The following RTN4R variants were observed in gnomAD, a reference collection of about 807,000 sequenced individuals.
RTN4R encodes the protein reticulon 4 receptor.
Under a neutral mutation model 27.7 loss-of-function variants are expected in RTN4R, and 4 were observed. The observed-to-expected ratio is 0.14, with a 90% CI of 0.07 to 0.33. The LOEUF (loss-of-function observed/expected upper bound fraction) is 0.33, where lower values mean the gene tolerates loss of function less well. Ranked by LOEUF, RTN4R falls within the 10% of genes least tolerant of loss-of-function variation. RTN4R has a pLI of 1.00. For missense variants in RTN4R, 554 were observed against 671.5 expected (o/e 0.83, Z 1.93); for synonymous variants, 290 against 305.6 (o/e 0.95, Z 0.53).
chr22:20,242,963 G>A lies in RTN4R; in HGVS notation c.170C>T (p.Ala57Val), dbSNP rs1423729938. 6.2e-7 allele frequency: 1 copy of A among 1,611,908 alleles called. No individual in the cohort carries two copies. Among genetic ancestry groups the A allele is most frequent in the Non-Finnish European group, 8.5e-7 (1 of 1,179,694 alleles). Residue 57 changes from alanine (A) to valine (V), a missense_variant, in exon 2 of 2, where the codon GCT (alanine) becomes GTT (valine). By Grantham distance (64) the Ala-to-Val change is moderately conservative. Around this residue, in one of 2 missense-constraint regions of RTN4R, gnomAD observed 413 missense variants for 542.3 expected, o/e 0.76. Transcript: ENST00000043402. ...GTGCAGGAAGATGCGCTGGCTGGCA[G>A]CAGGGATGCCCACGGGCACAGCCTG... Reference protein sequence around the residue: ...GLQAVPVGIPAASQRIFLHGN... With the variant: ...GLQAVPVGIPVASQRIFLHGN...
intron 1 of RTN4R, among the ~76,000 whole-genome samples, chr22:20,244,700 ACTGCTGTCTCAC>A (rs2051129768): frequency 6.6e-6 from 1 of 152,092 alleles, no homozygotes; most frequent in African/African-American, 2.4e-5. Flanking sequence ...TCAGCTCCCC[ACTGCTGTCTCAC>A]CTGCTGTCAC....
In RTN4R at chr22:20,258,924, G is replaced by T. The variant is rs58754659; in HGVS notation, c.22+9147C>A. Among the ~76,000 whole-genome samples, 597 of 152,204 alleles carry T rather than the reference G, an allele frequency of 3.9e-3. 21 individuals are homozygous for T. In the East Asian group the frequency reaches 0.079, roughly 20 times the overall value. On this transcript the variant is annotated intron_variant, in intron 1 of 1. Coordinates refer to ENST00000043402, the MANE Select transcript of RTN4R (RefSeq NM_023004.6). ...GGTCCTGACATGTACCAAGGCTGGG[G>T]GTCAAGTGTGCACTGTCTCTCAGCC...
chr22:20,266,885 C>T (rs1297437434), intron 1 of RTN4R, among the ~76,000 whole-genome samples: 3 of 152,252 alleles, frequency 2.0e-5, no homozygotes, highest in Admixed American at 1.3e-4. Context: ...GTTACACACA[C>T]GCACACAAGC....
intron 1 of RTN4R, among the ~76,000 whole-genome samples, chr22:20,245,057 C>A (rs934703775): frequency 1.3e-5 from 2 of 152,214 alleles, no homozygotes; most frequent in African/African-American, 2.4e-5. Flanking sequence ...TGAACCGAGC[C>A]CTGTGCTCAT....
intron 1 of RTN4R, among the ~76,000 whole-genome samples, chr22:20,258,068 A>G (rs1429553713): frequency 6.6e-6 from 1 of 152,176 alleles, no homozygotes; most frequent in African/African-American, 2.4e-5. Flanking sequence ...GGACCTTCTC[A>G]CATCACCCCC....
Position 20,242,047 on chromosome 22 carries a change from G to T in RTN4R, c.1086C>A (p.Arg362=), listed in dbSNP as rs145150796. ...PASAGNALKG[R]VPPGDSPPGN... ...CCGGCGGGCTGTCACCGGGCGGCAC[G>T]CGTCCCTTCAGCGCATTGCCTGCCG... Residue 362 remains arginine, a synonymous_variant, in exon 2 of 2, where the codon CGC becomes CGA. Coordinates refer to ENST00000043402, the MANE Select transcript of RTN4R (RefSeq NM_023004.6). 45 of 1,612,242 alleles carry T rather than the reference G, an allele frequency of 2.8e-5. No individual in the cohort carries two copies. The African/African-American group carries it at 6.0e-4, about 22-fold the overall frequency.
At chr22:20,243,580 C>A in intron 1 of RTN4R, 1 of 431,476 alleles carries the variant, frequency 2.3e-6, no homozygotes, top group South Asian at 1.7e-5. Context: ...ATCTCAAAAA[C>A]GGGCGCCTGG....
intron 1 of RTN4R, among the ~76,000 whole-genome samples, chr22:20,251,983 C>T (rs1362417408): frequency 3.7e-5 from 3 of 80,026 alleles, no homozygotes; most frequent in East Asian, 6.9e-4. Context: ...TCACCATCAC[C>T]ATCACCATCA....
chr22:20,263,563 C>T (rs701420), intron 1 of RTN4R, among the ~76,000 whole-genome samples: 18,783 of 152,290 alleles, frequency 0.12, 1,558 homozygotes, highest in South Asian at 0.2. Context: ...AAGAGGCACC[C>T]GGGGGCCCAG....
In RTN4R at chr22:20,255,850, G is replaced by A. The variant is rs931755446; in HGVS notation, c.22+12221C>T. ...GCAGCCCCCAGCCTCCTTTCTGACCGTGCACACGGGCTTCTCTCAGCTGCT... is the reference window on the plus strand; with the variant it reads ...GCAGCCCCCAGCCTCCTTTCTGACCATGCACACGGGCTTCTCTCAGCTGCT... On this transcript the variant is annotated intron_variant, in intron 1 of 1. Transcript: ENST00000043402. This position sits in a 1 kb window ranked among gnomAD's most constrained non-coding sequence, Gnocchi z 4.8. Among the ~76,000 whole-genome samples the A allele has an allele frequency of 3.9e-5, 6 of 152,214 alleles. No individual in the cohort carries two copies. The highest frequency in any genetic ancestry group is 7.2e-5 in the African/African-American group (3 of 41,458).
chr22:20,264,188 C>T (rs191127587), intron 1 of RTN4R, among the ~76,000 whole-genome samples: 44 of 152,340 alleles, frequency 2.9e-4, no homozygotes, highest in Non-Finnish European at 2.2e-4. Flanking sequence ...TCCAGCTCCA[C>T]GGCTGCAGGC....
intron 1 of RTN4R, among the ~76,000 whole-genome samples, chr22:20,251,067 T>C (rs1454646302): frequency 1.3e-5 from 2 of 152,114 alleles, no homozygotes; most frequent in African/African-American, 2.4e-5. Flanking sequence ...TCCATGCCAG[T>C]CCACCCACCT....
intron 1 of RTN4R, 199 bp from the exon 2 acceptor site, chr22:20,243,309 C>T (rs2051120834): frequency 1.3e-5 from 9 of 692,486 alleles, no homozygotes; most frequent in Non-Finnish European, 2.1e-5. Flanking sequence ...TGGGCTAGAA[C>T]ATGCCTTGGA....
At chr22:20,249,345 C>T (rs1030747606) in intron 1 of RTN4R, 1 of 430,116 alleles carries the variant, frequency 2.3e-6, no homozygotes, top group Non-Finnish European at 4.8e-6. Context: ...CTACCTGGTG[C>T]CTAGCCCTGC....
intron 1 of RTN4R, among the ~76,000 whole-genome samples, chr22:20,258,388 C>G (rs146168412): frequency 1.3e-5 from 2 of 152,358 alleles, no homozygotes; most frequent in Admixed American, 1.3e-4. Context: ...CACTGCCTTG[C>G]CCAAGGTGTC....
rs2051292372 is a variant in RTN4R at position 20,268,286 on chromosome 22, GCGCA to G, written c.-198_-195del. ...GCCGCGGGTGCGCAGGGCGCGCAGG[GCGCA>G]CAGGGCGAGGGCGGCGGCGGCGCGG... On this transcript the variant is annotated 5_prime_UTR_variant, in exon 1 of 2. Transcript: ENST00000043402. 4.0e-5 allele frequency: 6 copies of G among 148,928 alleles called. No homozygotes were observed. Among genetic ancestry groups the G allele is most frequent in the African/African-American group, 4.9e-5 (2 of 40,568 alleles). The allele number at this position is 148,928 out of a possible 1,614,324, so 9.2% of individuals were successfully genotyped here. A position where few individuals can be genotyped will look rare whatever the true frequency, so the allele number is the denominator to read the frequency against.
In RTN4R at chr22:20,242,672, G is replaced by C. The variant is rs751270787; in HGVS notation, c.461C>G (p.Ala154Gly). 6.2e-7 allele frequency: 1 copy of C among 1,612,506 alleles called. No homozygotes were observed. The highest frequency in any genetic ancestry group is 8.5e-7 in the Non-Finnish European group (1 of 1,179,754). Residue 154 changes from alanine (A) to glycine (G), a missense_variant, in exon 2 of 2, where the codon GCT becomes GGT. Around this residue, in one of 2 missense-constraint regions of RTN4R, gnomAD observed 413 missense variants for 542.3 expected, o/e 0.76. Transcript: ENST00000043402. ...ELGPGLFRGL[A>G]ALQYLYLQDN... ...CTGCAGGTAGAGGTACTGCAGGGCAGCCAGGCCGCGGAACAGCCCCGGGCC... is the reference window on the plus strand; with the variant it reads ...CTGCAGGTAGAGGTACTGCAGGGCACCCAGGCCGCGGAACAGCCCCGGGCC...
rs556258990 is a variant in RTN4R at position 20,243,643 on chromosome 22, G to A, written c.23-533C>T. ...GTGTGTCCAGGGCTTAGGAGGAGTCGCGTCCCACAACCACCCAGGCAGCCT... is the reference window on the plus strand; with the variant it reads ...GTGTGTCCAGGGCTTAGGAGGAGTCACGTCCCACAACCACCCAGGCAGCCT... On this transcript the variant is annotated intron_variant, in intron 1 of 1. Transcript: ENST00000043402. 2.2e-4 allele frequency: 92 copies of A among 416,346 alleles called. 2 individuals carry two copies. The highest frequency in any genetic ancestry group is 1.0e-3 in the South Asian group (58 of 56,020). 25.8% of individuals were successfully genotyped at this position (416,346 alleles called of 1,614,324 possible).
At chr22:20,256,277 T>G (rs2051211795) in intron 1 of RTN4R, among the ~76,000 whole-genome samples, 1 of 152,158 alleles carries the variant, frequency 6.6e-6, no homozygotes, top group Admixed American at 6.5e-5. Context: ...AAGGCCACAC[T>G]GGGCGTCACC....
Sources: allele counts gnomAD v4.1 joint callset (sites outside exome capture counted in the v4.1 genomes callset), GRCh38; gene constraint gnomAD v4.1.1; regional missense constraint gnomAD v4.1.1; non-coding constraint Gnocchi (gnomAD v3.1); transcripts MANE v1.5; gene names NCBI Gene and HGNC (gene_info 2026-07-23, HGNC 2026-07-21).